The following RECQL4 variants were observed in gnomAD, a reference collection of about 807,000 sequenced individuals.
RECQL4 encodes RecQ like helicase 4.
Under a neutral mutation model 128.6 loss-of-function variants are expected in RECQL4, and 158 were observed. That is an observed-to-expected ratio of 1.23 (90% confidence interval 1.08 to 1.40). RECQL4 has a LOEUF of 1.40. Ranked by LOEUF, RECQL4 falls within the 40% of genes most tolerant of loss-of-function variation. The probability of loss-of-function intolerance (pLI) is 0.00; values close to 1 mark genes in which losing one functional copy is unlikely to be tolerated. For synonymous variants in RECQL4, 996 were observed against 678.9 expected, an observed-to-expected ratio of 1.47 and a Z score of -7.26; for missense variants, 2,293 against 1,649.8, an observed-to-expected ratio of 1.39 and a Z score of -6.75.
intron 16 of RECQL4, 28 bp downstream of exon 16, chr8:144,512,614 C>CG (rs763705281): frequency 1.2e-6 from 2 of 1,611,834 alleles, no homozygotes; most frequent in South Asian, 2.2e-5. Context: ...TCTCCAACCT[C>CG]GTCTCCAACT....
Position 144,513,304 on chromosome 8 carries a change from G to A in RECQL4, c.2377C>T (p.Pro793Ser), listed in dbSNP as rs35098923. 3,244 of 1,600,722 alleles carry A rather than the reference G, an allele frequency of 2.0e-3. 117 individuals carry two copies. The Admixed American group carries it at 0.051, about 25-fold the overall frequency. ...VRAVLHLGLP[P>S]SFESYVQAVG... ...GCCTGCACGTAGCTCTCGAAGCTTG[G>A]GGGCAGCCCCAGATGCAGCACAGCC... Residue 793 changes from proline (P) to serine (S), a missense_variant, in exon 14 of 21, where the codon CCA becomes TCA. By Grantham distance (74) the Pro-to-Ser change is moderately conservative (BLOSUM62 -1). Transcript: ENST00000617875.
chr8:144,512,204 A>G lies in RECQL4; in HGVS notation c.3176T>C (p.Val1059Ala), dbSNP rs779743345. ...CAGGGCCTGGCGCTCCCGGGCCTGC[A>G]CACGGCCATAGAGGAAGTCACATAT... Reference protein sequence around the residue: ...DQICDFLYGRVQARERQALAR... With the variant: ...DQICDFLYGRAQARERQALAR... Residue 1059 changes from valine (V) to alanine (A), a missense_variant, in exon 18 of 21, where the codon GTG becomes GCG. Transcript: ENST00000617875. 1.9e-6 allele frequency: 3 copies of G among 1,611,868 alleles called. No individual in the cohort carries two copies. The African/African-American group carries it at 4.0e-5, about 22-fold the overall frequency.
At position 144,516,788 on chromosome 8, in the gene RECQL4, C is replaced by G. The variant is rs35058172; in HGVS notation, c.355-24G>C. The G allele has an allele frequency of 3.6e-3, 5,493 of 1,514,430 alleles. 39 individuals are homozygous for G. Among genetic ancestry groups the G allele is most frequent in the African/African-American group, 0.03 (2,137 of 71,782 alleles). The allele number at this position is 1,514,430 out of a possible 1,614,324, so 93.8% of individuals were successfully genotyped here. ...GCCTGGGAGGGGAACAACAGAACAG[C>G]AGGAGGAACTCAGGCCCCTGAGCTA... On this transcript the variant is annotated intron_variant, in intron 4 of 20. Coordinates refer to ENST00000617875, the MANE Select transcript of RECQL4 (RefSeq NM_004260.4).
At chr8:144,515,696 C>T (rs1167204846) in intron 6 of RECQL4, 68 bp downstream of exon 6, 15 of 1,570,184 alleles carry the variant, frequency 9.6e-6, no homozygotes, top group East Asian at 6.9e-5. Flanking sequence ...ACATAAGTGT[C>T]CCCCAAAAGA....
rs1827524156 is a variant in RECQL4, at chr8:144,512,903, T to C, written c.2699A>G (p.His900Arg). The C allele has an allele frequency of 1.3e-6, 2 of 1,590,006 alleles. No individual in the cohort carries two copies. The highest frequency in any genetic ancestry group is 2.7e-5 in the African/African-American group (2 of 74,508). ...APGPRRVCMG[H>R]ERALPIQLTV... The stretch of plus-strand genomic sequence containing the variant: ...AAGCTGTATTGGGAGTGCCCGCTCA[T>C]GGCCCATGCAGACCCTTCTGGGTCC... The change falls in exon 15 of 21, where the codon CAT becomes CGT. Residue 900 changes from histidine to arginine, a missense_variant. By Grantham distance (29) the His-to-Arg change is conservative. Coordinates refer to ENST00000617875, the MANE Select transcript of RECQL4 (RefSeq NM_004260.4).
At position 144,517,470 on chromosome 8, in the gene RECQL4, C is replaced by T. The variant is rs1171989536; in HGVS notation, c.157G>A (p.Gly53Ser). 5 of 1,596,628 alleles carry T rather than the reference C, an allele frequency of 3.1e-6. No homozygotes were observed. Among genetic ancestry groups the T allele is most frequent in the Non-Finnish European group, 4.3e-6 (5 of 1,176,186 alleles). Residue 53 changes from glycine (G) to serine (S), a missense_variant, in exon 3 of 21, where the codon GGC (glycine) becomes AGC (serine). Transcript: ENST00000617875. ...REYRTLKRTT[G>S]QAGGGLRSSE... ...CTGCGGAGCCCGCCGCCGGCCTGGC[C>T]CGTGGTACGCTTCAGAGTGCGGTAT...
intron 12 of RECQL4, 21 bp downstream of exon 12, chr8:144,513,907 C>A: frequency 7.5e-7 from 1 of 1,338,682 alleles, no homozygotes; most frequent in Non-Finnish European, 9.7e-7. Context: ...CCTGCAGGGT[C>A]CCCAGAGCAC....
In RECQL4 at chr8:144,512,248, G is replaced by C. The variant is rs373238823; in HGVS notation, c.3132C>G (p.Thr1044=). 2 of 1,612,316 alleles carry C rather than the reference G, an allele frequency of 1.2e-6. No homozygotes were observed. The highest frequency in any genetic ancestry group is 2.7e-5 in the African/African-American group (2 of 74,922). The stretch of plus-strand genomic sequence containing the variant: ...CACATATCTGGTCCTTCTCCTCAGC[G>C]GTCAAGTCCCCCGGGCTGCGAAGGT... ...AFHLRSPGDL[T]AEEKDQICDF... Residue 1044 remains threonine, a synonymous_variant, in exon 18 of 21, where the codon ACC becomes ACG. Transcript: ENST00000617875.
rs1554903709 is a variant in RECQL4 at position 144,516,744 on chromosome 8, GCGGCCCAGGGCTGGTC to G, written c.359_374del (p.Gly120AlafsTer6). The G allele has an allele frequency of 3.3e-6, 5 of 1,524,304 alleles. No individual in the cohort carries two copies. The highest frequency in any genetic ancestry group is 3.5e-6 in the Non-Finnish European group (4 of 1,139,976). The allele number at this position is 1,524,304 out of a possible 1,614,324, so 94.4% of individuals were successfully genotyped here. A position where few individuals can be genotyped will look rare whatever the true frequency, so the allele number is the denominator to read the frequency against. ...AGGCTCTTCCTAGAGGCCACGGTCT[GCGGCCCAGGGCTGGTC>G]CGGCCTGGGAGGGGAACAACAGAAC... On this transcript the variant is annotated frameshift_variant, in exon 5 of 21. Transcript: ENST00000617875. LOFTEE classifies it high-confidence loss of function.
chr8:144,517,537 G>A (rs983178685), intron 2 of RECQL4, 29 bp from the exon 3 acceptor site: 41 of 1,559,048 alleles, frequency 2.6e-5, no homozygotes, highest in Non-Finnish European at 3.5e-5. Context: ...GGCGGGGTCA[G>A]GGTGGGGCCT....
At chr8:144,511,611 A>G (rs910228017) in intron 20 of RECQL4, 56 bp from the exon 21 acceptor site, 15 of 1,606,876 alleles carry the variant, frequency 9.3e-6, no homozygotes, top group Non-Finnish European at 1.2e-5. Context: ...CAGCGGGTGG[A>G]GCCTCCCAGG....
chr8:144,512,225 CA>C lies in RECQL4; in HGVS notation c.3154del (p.Cys1052ValfsTer29). ...CTGCACACGGCCATAGAGGAAGTCA[CA>C]TATCTGGTCCTTCTCCTCAGCGGTC... ...DLTAEEKDQICDFLYGRVQAR... is the reference protein window; with the variant it reads ...DLTAEEKDQIXDFLYGRVQAR... On this transcript the variant is annotated frameshift_variant, in exon 18 of 21. Coordinates refer to ENST00000617875, the MANE Select transcript of RECQL4 (RefSeq NM_004260.4). LOFTEE classifies it high-confidence loss of function. 6.2e-7 allele frequency: 1 copy of C among 1,612,404 alleles called. No individual in the cohort carries two copies. The highest frequency in any genetic ancestry group is 8.5e-7 in the Non-Finnish European group (1 of 1,179,734).
Position 144,513,296 on chromosome 8 carries a change from G to C in RECQL4, c.2385C>G (p.Phe795Leu), listed in dbSNP as rs587778644. ...GGCCCACGGCCTGCACGTAGCTCTCGAAGCTTGGGGGCAGCCCCAGATGCA... is the reference window on the plus strand; with the variant it reads ...GGCCCACGGCCTGCACGTAGCTCTCCAAGCTTGGGGGCAGCCCCAGATGCA... ...AVLHLGLPPS[F>L]ESYVQAVGRA... The change falls in exon 14 of 21, where the codon TTC becomes TTG. Residue 795 changes from phenylalanine (F) to leucine (L), a missense_variant. Transcript: ENST00000617875. 2 of 1,599,892 alleles carry C rather than the reference G, an allele frequency of 1.3e-6. No individual in the cohort carries two copies. The highest frequency in any genetic ancestry group is 1.7e-5 in the Admixed American group (1 of 59,880).
intron 3 of RECQL4, 105 bp from the exon 4 acceptor site, chr8:144,517,295 T>A: frequency 6.7e-7 from 1 of 1,497,982 alleles, no homozygotes; most frequent in Non-Finnish European, 8.9e-7. Flanking sequence ...CCTTCTTCAC[T>A]TTGCCCAGTC....
Position 144,511,915 on chromosome 8 carries a change from G to A in RECQL4, c.3389C>T (p.Ala1130Val), listed in dbSNP as rs2130653917. 6.2e-7 allele frequency: 1 copy of A among 1,610,632 alleles called. No individual in the cohort carries two copies. The highest frequency in any genetic ancestry group is 2.2e-5 in the East Asian group (1 of 44,884). The part of the protein sequence containing the change: ...EDAQGPEPGQ[A>V]RLQDWEDQVR... The stretch of plus-strand genomic sequence containing the variant: ...GCCTGGCCTTACTGCACTCACTCTG[G>A]CCTGCCCTGGCTCGGGGCCCTGTGC... The change falls in exon 19 of 21, where the codon GCC becomes GTC. Residue 1130 changes from alanine (A) to valine (V), a missense_variant. Ala to Val is a moderately conservative substitution (Grantham distance 64). Transcript: ENST00000617875.
rs529104564 is a variant in RECQL4, at chr8:144,515,227, A to G, written c.1406T>C (p.Val469Ala). The change falls in exon 8 of 21, where the codon GTG becomes GCG. Residue 469 changes from valine to alanine, a missense_variant. By Grantham distance (64) the Val-to-Ala change is moderately conservative. Coordinates refer to ENST00000617875, the MANE Select transcript of RECQL4 (RefSeq NM_004260.4). ...SGQLAETPAE[V>A]FQALEQLGHQ... ...CCCCAGCTGCTCCAGGGCCTGGAACACCTCAGCCGGCGTCTCTGCAGACAC... is the reference window on the plus strand; with the variant it reads ...CCCCAGCTGCTCCAGGGCCTGGAACGCCTCAGCCGGCGTCTCTGCAGACAC... 3.2e-6 allele frequency: 5 copies of G among 1,582,520 alleles called. No individual in the cohort carries two copies. In the African/African-American group the frequency reaches 4.0e-5, roughly 13 times the overall value.
rs1060501364 is a variant in RECQL4 at position 144,514,302 on chromosome 8, C to T, written c.1765G>A (p.Gly589Ser). 1.2e-6 allele frequency: 2 copies of T among 1,610,330 alleles called. No individual in the cohort carries two copies. Among genetic ancestry groups the T allele is most frequent in the Non-Finnish European group, 1.7e-6 (2 of 1,178,958 alleles). ...LTPEALVGAG[G>S]LPPAAQLPPV... ...GGCAGCTGTGCGGCTGGAGGGAGGC[C>T]TCCCGCCCCCACCAGTGCCTCAGGT... is the stretch of plus-strand genomic sequence containing the variant. Residue 589 changes from glycine (G) to serine (S), a missense_variant, in exon 11 of 21, where the codon GGC (glycine) becomes AGC (serine). Coordinates refer to ENST00000617875, the MANE Select transcript of RECQL4 (RefSeq NM_004260.4).
chr8:144,513,208 G>T lies in RECQL4; in HGVS notation c.2463+10C>A, dbSNP rs752112003. 7.7e-6 allele frequency: 12 copies of T among 1,559,298 alleles called. No individual in the cohort carries two copies. In the East Asian group the frequency reaches 1.1e-4, roughly 15 times the overall value. On this transcript the variant is annotated intron_variant, in intron 14 of 20. Transcript: ENST00000617875. Reference sequence around the variant, plus strand: ...CGAGCACTGGCAGTGTGGGGGGGGGGGGTGCCAACCTGGGGCTGCAGGAAG... The same window carrying T: ...CGAGCACTGGCAGTGTGGGGGGGGGTGGTGCCAACCTGGGGCTGCAGGAAG...
chr8:144,513,440 G>A lies in RECQL4; in HGVS notation c.2241C>T (p.Gly747=), dbSNP rs957407351. The A allele has an allele frequency of 3.7e-6, 6 of 1,609,576 alleles. No individual in the cohort carries two copies. Among genetic ancestry groups the A allele is most frequent in the Non-Finnish European group, 5.1e-6 (6 of 1,179,800 alleles). The change falls in exon 14 of 21, where the codon GGC becomes GGT. Residue 747 remains glycine, a synonymous_variant. Transcript: ENST00000617875. ...CCCGCCGCCGTTCCCGGCTGCACAT[G>A]CCCGCGTGGTAGGCCTCGGCTGTGG... The part of the protein sequence containing the change: ...PKTTAEAYHA[G]MCSRERRRVQ...
Sources: gnomAD v4.1 joint callset for allele counts on GRCh38, gnomAD v4.1.1 for gene constraint, MANE v1.5 for transcripts, NCBI Gene and HGNC (gene_info 2026-07-23, HGNC 2026-07-21) for gene names.